The following TSPAN32 variants were observed in gnomAD, a reference collection of about 807,000 sequenced individuals.
TSPAN32 encodes the protein tetraspanin 32, also known as tetraspanin-32.
In TSPAN32, 47 loss-of-function variants were observed where a neutral mutation model predicts 42.7. The observed-to-expected ratio is 1.10, with a 90% CI of 0.87 to 1.40. TSPAN32 has a LOEUF of 1.40. Ranked by LOEUF, TSPAN32 falls within the 40% of genes most tolerant of loss-of-function variation. The pLI is 0.00. For missense variants in TSPAN32, 469 were observed against 424.1 expected, an observed-to-expected ratio of 1.11 and a Z score of -0.93; for synonymous variants, 175 against 175.9, an observed-to-expected ratio of 0.99 and a Z score of 0.04.
At chr11:2,316,017 C>T (rs1459538571) in intron 6 of TSPAN32, 1 of 1,534,304 alleles carries the variant, frequency 6.5e-7, no homozygotes, top group East Asian at 2.4e-5. Flanking sequence ...CCAGAGTGCC[C>T]ACAGAGGCCA....
At position 2,304,474 on chromosome 11, in the gene TSPAN32, C is replaced by T. The variant is rs1368303581; in HGVS notation, c.279+270C>T. Among the ~76,000 whole-genome samples, 2 of 151,990 alleles carry T rather than the reference C, an allele frequency of 1.3e-5. No homozygotes were observed. Among genetic ancestry groups the T allele is most frequent in the Admixed American group, 6.5e-5 (1 of 15,268 alleles). ...GCCCTACCTCACCCTGTCATCTACACGCCCAACAAGGGTTCCTATAGGAGC... is the reference window on the plus strand; with the variant it reads ...GCCCTACCTCACCCTGTCATCTACATGCCCAACAAGGGTTCCTATAGGAGC... On this transcript the variant is annotated intron_variant, in intron 3 of 9. Transcript: ENST00000182290. This position sits in a 1 kb window ranked among gnomAD's most constrained non-coding sequence, Gnocchi z 4.8.
In TSPAN32 at chr11:2,304,147, G is replaced by T; in HGVS notation, c.222G>T (p.Leu74=). ...TGAGCCTGGTGGGCCTCCTGACTCT[G>T]GGAGCCGTGCTGAGCGCTGCAGCCA... The part of the protein sequence containing the change: ...AGLSLVGLLT[L]GAVLSAAATV... Residue 74 remains leucine, a synonymous_variant, in exon 3 of 10, where the codon CTG becomes CTT. Transcript: ENST00000182290. The surrounding 1 kb of genome is among the most constrained non-coding windows in gnomAD (Gnocchi z 4.8). 6.3e-7 allele frequency: 1 copy of T among 1,590,058 alleles called. No homozygotes were observed. Among genetic ancestry groups the T allele is most frequent in the Non-Finnish European group, 8.6e-7 (1 of 1,168,504 alleles).
In TSPAN32 at chr11:2,302,920, C is replaced by T. The variant is rs1259622455; in HGVS notation, c.143C>T (p.Ser48Phe). Residue 48 changes from serine (S) to phenylalanine (F), a missense_variant, in exon 2 of 10, where the codon TCC becomes TTC. By Grantham distance (155) the Ser-to-Phe change is radical. Transcript: ENST00000182290. ...CACTTTGCTGTCATCCGCCGAGCGT[C>T]CCTGGAGAAGAACCCGTACCAGGCT... ...GAHFAVIRRA[S>F]LEKNPYQAVH... 3 of 1,613,616 alleles carry T rather than the reference C, an allele frequency of 1.9e-6. No individual in the cohort carries two copies. Among genetic ancestry groups the T allele is most frequent in the Non-Finnish European group, 2.5e-6 (3 of 1,179,858 alleles).
rs1359117515 is a variant in TSPAN32, at chr11:2,308,807, C to T, written c.351C>T (p.Thr117=). ...QVVFWRLHSP[T]QVEDAMLDTY... ...TGTTCTGGAGACTCCACAGCCCCAC[C>T]CAGGTGAGCACCAGCTGCCCCTACC... Residue 117 remains threonine (T), a synonymous_variant, in exon 4 of 10, where the codon ACC becomes ACT. Coordinates refer to ENST00000182290, the MANE Select transcript of TSPAN32 (RefSeq NM_139022.3). 1 of 1,564,822 alleles carries T rather than the reference C, an allele frequency of 6.4e-7. No individual in the cohort carries two copies. Among genetic ancestry groups the T allele is most frequent in the Non-Finnish European group, 8.7e-7 (1 of 1,153,894 alleles).
At chr11:2,312,611 A>G (rs995998896) in intron 4 of TSPAN32, among the ~76,000 whole-genome samples, 8 of 152,156 alleles carry the variant, frequency 5.3e-5, no homozygotes, top group African/African-American at 1.9e-4. Context: ...TCCACTGCCC[A>G]CTGCCCGCCC....
Position 2,313,597 on chromosome 11 carries a change from G to A in TSPAN32, c.355-57G>A. ...GCGTTTGGGATGTCGTGGGGAGGGG[G>A]CTGTGTCCCCGGATCTCCCACCAGG... is the stretch of plus-strand genomic sequence containing the variant. On this transcript the variant is annotated intron_variant, in intron 4 of 9. Coordinates refer to ENST00000182290, the MANE Select transcript of TSPAN32 (RefSeq NM_139022.3). The surrounding 1 kb of genome is among the most constrained non-coding windows in gnomAD (Gnocchi z 9.1). 7.2e-7 allele frequency: 1 copy of A among 1,393,222 alleles called. No homozygotes were observed. Among genetic ancestry groups the A allele is most frequent in the Non-Finnish European group, 9.9e-7 (1 of 1,007,304 alleles). 86.3% of individuals were successfully genotyped at this position (1,393,222 alleles called of 1,614,324 possible).
chr11:2,316,705 G>A (rs1387179856), intron 8 of TSPAN32, 38 bp downstream of exon 8: 2 of 1,509,936 alleles, frequency 1.3e-6, no homozygotes, highest in East Asian at 4.6e-5. Flanking sequence ...CTCTGGAAGG[G>A]TCCTCCAGCT....
At chr11:2,307,446 C>A (rs1342016857) in intron 3 of TSPAN32, among the ~76,000 whole-genome samples, 4 of 152,206 alleles carry the variant, frequency 2.6e-5, no homozygotes, top group Non-Finnish European at 5.9e-5. Flanking sequence ...GGCCTCAGGA[C>A]TCCTGGGGGA....
chr11:2,314,679 C>T (rs1175683529), intron 6 of TSPAN32, 108 bp downstream of exon 6: 8 of 872,172 alleles, frequency 9.2e-6, no homozygotes, highest in African/African-American at 1.7e-5. Flanking sequence ...CCTTGGCCTC[C>T]CCAGACCCTT....
intron 4 of TSPAN32, among the ~76,000 whole-genome samples, chr11:2,312,842 A>C (rs1157363112): frequency 6.6e-6 from 1 of 152,198 alleles, no homozygotes; most frequent in South Asian, 2.1e-4. Context: ...TGAGGCAGGA[A>C]GGAGACATCA....
At position 2,317,859 on chromosome 11, in the gene TSPAN32, G is replaced by A. The variant is rs776945507; in HGVS notation, c.902-4G>A. The A allele has an allele frequency of 3.2e-6, 5 of 1,575,038 alleles. No homozygotes were observed. Among genetic ancestry groups the A allele is most frequent in the East Asian group, 2.2e-5 (1 of 44,714 alleles). ...GCAAGCAGTGCCCATTTATGATCTC[G>A]CAGCTCTCCAGGGCAGAAGTCGCGG... On this transcript the variant is annotated splice_region_variant and splice_polypyrimidine_tract_variant and intron_variant, in intron 9 of 9. Coordinates refer to ENST00000182290, the MANE Select transcript of TSPAN32 (RefSeq NM_139022.3). This position sits in a 1 kb window ranked among gnomAD's most constrained non-coding sequence, Gnocchi z 6.2.
chr11:2,306,074 G>A (rs779769613), intron 3 of TSPAN32, among the ~76,000 whole-genome samples: 8 of 152,122 alleles, frequency 5.3e-5, no homozygotes, highest in Non-Finnish European at 1.0e-4. Flanking sequence ...GTGTGTGTAA[G>A]TATCTGTCAC....
At chr11:2,302,752 C>T (rs1318826479) in intron 1 of TSPAN32, 92 bp from the exon 2 acceptor site, 1 of 1,014,754 alleles carries the variant, frequency 9.9e-7, no homozygotes, top group Non-Finnish European at 1.5e-6. Context: ...GACCGGGAAG[C>T]TGGAGAGAGC....
In TSPAN32 at chr11:2,317,176, A is replaced by G. The variant is rs74048264; in HGVS notation, c.720-168A>G. Among the ~76,000 whole-genome samples the G allele has an allele frequency of 6.6e-6, 1 of 152,156 alleles. No homozygotes were observed. Among genetic ancestry groups the G allele is most frequent in the African/African-American group, 2.4e-5 (1 of 41,494 alleles). On this transcript the variant is annotated intron_variant, in intron 8 of 9. Coordinates refer to ENST00000182290, the MANE Select transcript of TSPAN32 (RefSeq NM_139022.3). This position sits in a 1 kb window ranked among gnomAD's most constrained non-coding sequence, Gnocchi z 6.2. ...ATAGCCTCACAGTCCCGTCTAGAACATTCTGCAACAGCCTCACAGTCCCCC... is the reference window on the plus strand; with the variant it reads ...ATAGCCTCACAGTCCCGTCTAGAACGTTCTGCAACAGCCTCACAGTCCCCC...
At chr11:2,312,420 C>A (rs1332490852) in intron 4 of TSPAN32, among the ~76,000 whole-genome samples, 1 of 152,366 alleles carries the variant, frequency 6.6e-6, no homozygotes, top group Non-Finnish European at 1.5e-5. Flanking sequence ...GGTGCCTGCC[C>A]GCCCCTGGGC....
At chr11:2,315,160 T>TG in intron 6 of TSPAN32, 3 of 646,450 alleles carry the variant, frequency 4.6e-6, no homozygotes, top group African/African-American at 2.0e-5. Flanking sequence ...CCGGCAGCCC[T>TG]CCCCCAGCCC....
At position 2,313,124 on chromosome 11, in the gene TSPAN32, C is replaced by A. The variant is rs563302490; in HGVS notation, c.355-530C>A. 2.0e-5 allele frequency among the ~76,000 whole-genome samples: 3 copies of A among 152,254 alleles called. No individual in the cohort carries two copies. The highest frequency in any genetic ancestry group is 7.2e-5 in the African/African-American group (3 of 41,534). On this transcript the variant is annotated intron_variant, in intron 4 of 9. Coordinates refer to ENST00000182290, the MANE Select transcript of TSPAN32 (RefSeq NM_139022.3). This position sits in a 1 kb window ranked among gnomAD's most constrained non-coding sequence, Gnocchi z 9.1. ...GTGGCCTCGTCCACCCAGATCTGGC[C>A]TCAGGTGCCCAAGGCTTCTCTGGTC...
chr11:2,312,250 G>A (rs1335850099), intron 4 of TSPAN32, among the ~76,000 whole-genome samples: 2 of 152,212 alleles, frequency 1.3e-5, no homozygotes, highest in Non-Finnish European at 2.9e-5. Flanking sequence ...GGGGAGGTCC[G>A]AGCCAACCCC....
intron 8 of TSPAN32, 96 bp downstream of exon 8, chr11:2,316,763 G>C: frequency 1.5e-6 from 2 of 1,337,512 alleles, no homozygotes; most frequent in South Asian, 3.0e-5. Flanking sequence ...GGAGCCCCGG[G>C]ACCAAGCCCC....
Sources: gnomAD v4.1 joint callset for allele counts (sites outside exome capture counted in the v4.1 genomes callset) on GRCh38, gnomAD v4.1.1 for gene constraint, Gnocchi (gnomAD v3.1) non-coding constraint, MANE v1.5 for transcripts, NCBI Gene and HGNC (gene_info 2026-07-23, HGNC 2026-07-21) for gene names.